Variants in SREBF2 observed in about 807,000 individuals in gnomAD.
The protein encoded by SREBF2 is sterol regulatory element binding transcription factor 2.
A neutral mutation model predicts 113.1 loss-of-function variants in SREBF2; 55 were observed. That is an observed-to-expected ratio of 0.49 (90% confidence interval 0.39 to 0.61). The LOEUF (loss-of-function observed/expected upper bound fraction) is 0.61, where lower values mean the gene tolerates loss of function less well. Among genes scored for constraint, SREBF2 ranks in the 20% least tolerant of loss-of-function variants. SREBF2 has a pLI of 0.00. For missense variants in SREBF2, 1,349 were observed against 1,487.4 expected (o/e 0.91, Z 1.53); for synonymous variants, 593 against 605.7 (o/e 0.98, Z 0.31).
chr22:41,871,197 G>A (rs887681646), intron 4 of SREBF2, among the ~76,000 whole-genome samples, 162 bp downstream of exon 4: 2 of 152,096 alleles, frequency 1.3e-5, no homozygotes, highest in Non-Finnish European at 2.9e-5. Flanking sequence ...TTTTTCGCTC[G>A]AAAAAGTATT....
rs886514133 is a variant in SREBF2 at position 41,833,130 on chromosome 22, C to A, written c.-141C>A. ...CTTTCTGTGCGGCGCCCGGGCGCAA[C>A]GCAAACATGGCGGCGGGTGGCACCC... On this transcript the variant is annotated 5_prime_UTR_variant, in exon 1 of 19. Transcript: ENST00000361204. This position sits in a 1 kb window ranked among gnomAD's most constrained non-coding sequence, Gnocchi z 4.1. 3 of 592,254 alleles carry A rather than the reference C, an allele frequency of 5.1e-6. No homozygotes were observed. Among genetic ancestry groups the A allele is most frequent in the Middle Eastern group, 4.8e-4 (1 of 2,092 alleles). 36.7% of individuals were successfully genotyped at this position (592,254 alleles called of 1,614,324 possible).
At chr22:41,834,231 T>A (rs900986060) in intron 1 of SREBF2, among the ~76,000 whole-genome samples, 1 of 152,164 alleles carries the variant, frequency 6.6e-6, no homozygotes, top group African/African-American at 2.4e-5. Flanking sequence ...TTGGTTTTTT[T>A]ATACCCCTCC....
chr22:41,840,107 C>G (rs902948625), intron 1 of SREBF2, among the ~76,000 whole-genome samples: 5 of 151,968 alleles, frequency 3.3e-5, no homozygotes, highest in African/African-American at 1.2e-4. Flanking sequence ...TATAGGCACC[C>G]ACCTCCACAC....
chr22:41,899,411 C>G (rs1037480713), intron 15 of SREBF2: 1 of 1,002,896 alleles, frequency 1.0e-6, no homozygotes, highest in Non-Finnish European at 1.2e-6. Flanking sequence ...CCGGCTGTTT[C>G]TAATTGGATC....
At chr22:41,892,536 T>C (rs2077373888) in intron 11 of SREBF2, among the ~76,000 whole-genome samples, 1 of 147,474 alleles carries the variant, frequency 6.8e-6, no homozygotes, top group Non-Finnish European at 1.5e-5. Context: ...TAGTCCCAGC[T>C]ACACGGGAGG....
At chr22:41,849,746 C>G (rs957811071) in intron 1 of SREBF2, among the ~76,000 whole-genome samples, 2 of 152,078 alleles carry the variant, frequency 1.3e-5, no homozygotes, top group Non-Finnish European at 2.9e-5. Context: ...TAAAATACAG[C>G]CAGTCAAAAA....
chr22:41,868,411 C>T (rs544319840), intron 2 of SREBF2, among the ~76,000 whole-genome samples, 200 bp from the exon 3 acceptor site: 21 of 152,296 alleles, frequency 1.4e-4, no homozygotes, highest in South Asian at 4.1e-4. Context: ...AATTTGTACT[C>T]GTTCCCTCAG....
At chr22:41,882,607 A>C (rs924246652) in intron 10 of SREBF2, among the ~76,000 whole-genome samples, 1 of 152,170 alleles carries the variant, frequency 6.6e-6, no homozygotes, top group Non-Finnish European at 1.5e-5. Flanking sequence ...GGAGTTCGAG[A>C]CCTGCCTGGC....
At position 41,897,050 on chromosome 22, in the gene SREBF2, A is replaced by T. The variant is rs1250784258; in HGVS notation, c.2496-2A>T. The T allele has an allele frequency of 6.2e-7, 1 of 1,606,946 alleles. No individual in the cohort carries two copies. The stretch of plus-strand genomic sequence containing the variant: ...ACATGGGACCCTTTCTTTTCTTCCT[A>T]GTGAATTCTCCAGTGCTCTGGAGTA... On this transcript the variant is annotated splice_acceptor_variant, in intron 13 of 18. Coordinates refer to ENST00000361204, the MANE Select transcript of SREBF2 (RefSeq NM_004599.4). LOFTEE classifies it high-confidence loss of function.
chr22:41,856,091 T>G (rs908774587), intron 1 of SREBF2, among the ~76,000 whole-genome samples: 21 of 147,172 alleles, frequency 1.4e-4, no homozygotes, highest in Middle Eastern at 3.4e-3. Context: ...GCATATAACG[T>G]TTTTTTTTGG....
chr22:41,861,399 G>A (rs1001278839), intron 1 of SREBF2, among the ~76,000 whole-genome samples: 14 of 152,018 alleles, frequency 9.2e-5, no homozygotes, highest in Non-Finnish European at 1.5e-5. Context: ...GGGAGGCTGA[G>A]GCAGGAGAAT....
chr22:41,848,379 G>A (rs76302306), intron 1 of SREBF2, among the ~76,000 whole-genome samples: 4,311 of 152,138 alleles, frequency 0.028, 66 homozygotes, highest in Non-Finnish European at 0.043. Context: ...GAGCCACCGC[G>A]CCTGGCCTTC....
chr22:41,902,400 C>T (rs143011426), intron 16 of SREBF2, among the ~76,000 whole-genome samples: 284 of 152,294 alleles, frequency 1.9e-3, no homozygotes, highest in South Asian at 4.6e-3. Context: ...GAGACTAAGT[C>T]CTATGCCAGG....
intron 1 of SREBF2, among the ~76,000 whole-genome samples, chr22:41,847,215 G>C (rs1386641999): frequency 2.6e-5 from 4 of 152,184 alleles, no homozygotes; most frequent in Non-Finnish European, 5.9e-5. Context: ...TTGCTTTGTA[G>C]ACTCTGCCCC....
At chr22:41,883,291 T>C (rs969844536) in intron 10 of SREBF2, among the ~76,000 whole-genome samples, 2 of 152,110 alleles carry the variant, frequency 1.3e-5, no homozygotes, top group Admixed American at 6.6e-5. Context: ...TTAGATACCT[T>C]GATGGCAGTA....
chr22:41,875,618 A>C lies in SREBF2; in HGVS notation c.1280A>C (p.Asn427Thr). 1 of 1,614,228 alleles carries C rather than the reference A, an allele frequency of 6.2e-7. No homozygotes were observed. Among genetic ancestry groups the C allele is most frequent in the Non-Finnish European group, 8.5e-7 (1 of 1,180,034 alleles). The stretch of plus-strand genomic sequence containing the variant: ...CTGAAGATCGAGGACTTTAATCAGA[A>C]TGTCCTTCTGATGTCCCCCCCAGCC... The part of the protein sequence containing the change: ...VDLKIEDFNQ[N>T]VLLMSPPASD... Residue 427 changes from asparagine (N) to threonine (T), a missense_variant, in exon 7 of 19, where the codon AAT (asparagine) becomes ACT (threonine). By Grantham distance (65) the Asn-to-Thr change is moderately conservative (BLOSUM62 0). Around this residue, in one of 2 missense-constraint regions of SREBF2, gnomAD observed 699 missense variants for 843.3 expected, o/e 0.83. Transcript: ENST00000361204.
At chr22:41,837,042 TTC>T (rs2076782621) in intron 1 of SREBF2, among the ~76,000 whole-genome samples, 2 of 152,166 alleles carry the variant, frequency 1.3e-5, no homozygotes, top group African/African-American at 4.8e-5. Context: ...ATCATGTGTC[TTC>T]TCTCTCACGA....
chr22:41,894,897 C>G lies in SREBF2; in HGVS notation c.2455C>G (p.Gln819Glu). The G allele has an allele frequency of 1.2e-6, 2 of 1,614,072 alleles. No homozygotes were observed. Among genetic ancestry groups the G allele is most frequent in the South Asian group, 1.1e-5 (1 of 91,088 alleles). The change falls in exon 13 of 19, where the codon CAG becomes GAG. Residue 819 changes from glutamine (Q) to glutamate (E), a missense_variant. By Grantham distance (29) the Gln-to-Glu change is conservative (BLOSUM62 2). This residue lies in a region of SREBF2 where 650 missense variants were observed against 644.1 expected (regional missense o/e 1.01). Coordinates refer to ENST00000361204, the MANE Select transcript of SREBF2 (RefSeq NM_004599.4). Reference sequence around the variant, plus strand: ...AGCTATAGAGTCCTTGGTGAAACCTCAGGCCAAGAAGAAGGCTGGAGACCA... The same window carrying G: ...AGCTATAGAGTCCTTGGTGAAACCTGAGGCCAAGAAGAAGGCTGGAGACCA... ...ERAIESLVKP[Q>E]AKKKAGDQEE...
rs375949618 is a variant in SREBF2 at position 41,893,200 on chromosome 22, C to A, written c.2292C>A (p.Pro764=). The A allele has an allele frequency of 1.9e-6, 3 of 1,614,172 alleles. No homozygotes were observed. Among genetic ancestry groups the A allele is most frequent in the African/African-American group, 2.7e-5 (2 of 75,038 alleles). Reference sequence around the variant, plus strand: ...ACTCCCTGCGCTGGCTCTGCCACCCCCTGGGCCAGAAGTTTTTCATGGAGC... The same window carrying A: ...ACTCCCTGCGCTGGCTCTGCCACCCACTGGGCCAGAAGTTTTTCATGGAGC... The part of the protein sequence containing the change: ...VPDSLRWLCH[P]LGQKFFMERS... Residue 764 remains proline, a synonymous_variant, in exon 12 of 19, where the codon CCC becomes CCA. Coordinates refer to ENST00000361204, the MANE Select transcript of SREBF2 (RefSeq NM_004599.4).
Sources: allele counts gnomAD v4.1 joint callset (sites outside exome capture counted in the v4.1 genomes callset), GRCh38; gene constraint gnomAD v4.1.1; regional missense constraint gnomAD v4.1.1; non-coding constraint Gnocchi (gnomAD v3.1); transcripts MANE v1.5; gene names NCBI Gene and HGNC (gene_info 2026-07-23, HGNC 2026-07-21).